Variants in TSPAN9 observed in about 807,000 individuals in gnomAD.
TSPAN9 encodes tetraspanin 9, also known as tetraspanin-9.
A neutral mutation model predicts 31.0 loss-of-function variants in TSPAN9; 16 were observed. The observed-to-expected ratio is 0.52, with a 90% CI of 0.35 to 0.78. The LOEUF (loss-of-function observed/expected upper bound fraction) is 0.78. Ranked by LOEUF, TSPAN9 falls within the 30% of genes least tolerant of loss-of-function variation. TSPAN9 has a pLI of 0.01. For missense variants in TSPAN9, 272 were observed against 312.5 expected (o/e 0.87, Z 0.98); for synonymous variants, 145 against 121.6 (o/e 1.19, Z -1.27).
chr12:3,232,822 C>T lies in TSPAN9; in HGVS notation c.63+31566C>T, dbSNP rs74798754. Among the ~76,000 whole-genome samples, 11 of 152,350 alleles carry T rather than the reference C, an allele frequency of 7.2e-5. No individual in the cohort carries two copies. The East Asian group carries it at 1.9e-3, about 27-fold the overall frequency. ...CTCTCAGTGGGCACCTGCAGGTGTA[C>T]GTTCCCTGCCTCCAGAGGCTGCTCA... On this transcript the variant is annotated intron_variant, in intron 3 of 8. Coordinates refer to ENST00000011898, the MANE Select transcript of TSPAN9 (RefSeq NM_006675.5).
At position 3,201,239 on chromosome 12, in the gene TSPAN9, T is replaced by A. The variant is rs2153973024; in HGVS notation, c.46T>A (p.Phe16Ile). ...CTGCTTGAAGTACATGATGTTCCTC[T>A]TCAATTTGATATTCTGGGTAAGTCC... ...LCCLKYMMFLFNLIFWLCGCG... is the reference protein window; with the variant it reads ...LCCLKYMMFLINLIFWLCGCG... Residue 16 changes from phenylalanine to isoleucine, a missense_variant, in exon 3 of 9, where the codon TTC (phenylalanine) becomes ATC (isoleucine). By Grantham distance (21) the Phe-to-Ile change is conservative. Coordinates refer to ENST00000011898, the MANE Select transcript of TSPAN9 (RefSeq NM_006675.5). 1.2e-6 allele frequency: 2 copies of A among 1,614,090 alleles called. No individual in the cohort carries two copies. The highest frequency in any genetic ancestry group is 4.5e-5 in the East Asian group (2 of 44,872).
Position 3,283,175 on chromosome 12 carries a change from G to A in TSPAN9, c.*59G>A, listed in dbSNP as rs1862933264. On this transcript the variant is annotated 3_prime_UTR_variant, in exon 9 of 9. Transcript: ENST00000011898. ...TGCCCTGTGGAGGGAAGAGGATTGA[G>A]CTTTGTGTCACCTGCCTGCGCTCTC... The A allele has an allele frequency of 1.3e-6, 2 of 1,573,190 alleles. No individual in the cohort carries two copies. Among genetic ancestry groups the A allele is most frequent in the African/African-American group, 1.3e-5 (1 of 74,346 alleles).
intron 3 of TSPAN9, among the ~76,000 whole-genome samples, chr12:3,255,937 G>T (rs1177583741): frequency 6.6e-6 from 1 of 152,218 alleles, no homozygotes; most frequent in Admixed American, 6.5e-5. Flanking sequence ...CAGGATGTAT[G>T]CTTGTGAGTT....
intron 5 of TSPAN9, 122 bp downstream of exon 5, chr12:3,279,188 AG>A: frequency 2.3e-6 from 2 of 884,494 alleles, no homozygotes; most frequent in Middle Eastern, 2.3e-4. Flanking sequence ...CTGTGCAGAA[AG>A]GAACATGGAA....
intron 2 of TSPAN9, among the ~76,000 whole-genome samples, chr12:3,156,375 GC>G (rs1334742602): frequency 6.6e-6 from 1 of 152,218 alleles, no homozygotes; most frequent in Non-Finnish European, 1.5e-5. Context: ...GGGAGGGGCA[GC>G]AGGTGGGGAG....
chr12:3,116,315 G>A (rs78070209), intron 2 of TSPAN9, among the ~76,000 whole-genome samples: 2,680 of 152,314 alleles, frequency 0.018, 73 homozygotes, highest in East Asian at 0.16. Flanking sequence ...ACCTTAGCAA[G>A]CTGCGAATCC....
At chr12:3,255,343 G>A (rs577224540) in intron 3 of TSPAN9, among the ~76,000 whole-genome samples, 2 of 152,190 alleles carry the variant, frequency 1.3e-5, no homozygotes, top group Admixed American at 1.3e-4. Context: ...GGCTGACCTG[G>A]GTTTGAATCT....
chr12:3,112,761 C>T (rs2098319802), intron 2 of TSPAN9, among the ~76,000 whole-genome samples: 1 of 144,756 alleles, frequency 6.9e-6, no homozygotes, highest in African/African-American at 2.6e-5. Context: ...TAGCTCACTG[C>T]AGCCTCGACC....
chr12:3,089,001 T>G (rs10848792), intron 2 of TSPAN9, among the ~76,000 whole-genome samples: 5 of 151,804 alleles, frequency 3.3e-5, no homozygotes, highest in African/African-American at 9.7e-5. Flanking sequence ...GGGAGGCCGA[T>G]GCAGGCGGAT....
At chr12:3,248,840 A>C (rs1862191852) in intron 3 of TSPAN9, among the ~76,000 whole-genome samples, 2 of 152,062 alleles carry the variant, frequency 1.3e-5, no homozygotes, top group African/African-American at 4.8e-5. Flanking sequence ...ACTTGTTTCA[A>C]CTTCTTGCTT....
chr12:3,195,849 C>T (rs1402101362), intron 2 of TSPAN9, among the ~76,000 whole-genome samples: 1 of 152,164 alleles, frequency 6.6e-6, no homozygotes, highest in African/African-American at 2.4e-5. Context: ...CCCTGCCTCC[C>T]GAAGGTACCA....
intron 3 of TSPAN9, among the ~76,000 whole-genome samples, chr12:3,205,727 C>CA (rs67110656): frequency 2.6e-5 from 1 of 37,980 alleles, no homozygotes; most frequent in East Asian, 2.2e-3. Context: ...GGCCCCCCCC[C>CA]CCCAGAGTGC....
intron 2 of TSPAN9, among the ~76,000 whole-genome samples, chr12:3,121,240 T>G (rs931056430): frequency 5.3e-5 from 8 of 152,190 alleles, no homozygotes; most frequent in African/African-American, 1.7e-4. Flanking sequence ...GATCTCAGGC[T>G]TAGAGCTGAG....
chr12:3,240,281 A>T (rs1317579681), intron 3 of TSPAN9, among the ~76,000 whole-genome samples: 1 of 152,040 alleles, frequency 6.6e-6, no homozygotes, highest in Non-Finnish European at 1.5e-5. Context: ...GCTGCAGGCT[A>T]CGGGGAGAGA....
intron 3 of TSPAN9, among the ~76,000 whole-genome samples, chr12:3,247,847 A>G (rs1177080332): frequency 6.6e-6 from 1 of 152,044 alleles, no homozygotes; most frequent in Non-Finnish European, 1.5e-5. Context: ...CAGACTCACT[A>G]TTGAGAGGAG....
At chr12:3,204,726 T>C (rs2098374040) in intron 3 of TSPAN9, among the ~76,000 whole-genome samples, 2 of 152,112 alleles carry the variant, frequency 1.3e-5, no homozygotes, top group Admixed American at 1.3e-4. Context: ...CTAAAGACAA[T>C]GCTGGCTTCT....
chr12:3,159,908 C>CTG (rs1246678671), intron 2 of TSPAN9, among the ~76,000 whole-genome samples: 1 of 152,172 alleles, frequency 6.6e-6, no homozygotes, highest in Non-Finnish European at 1.5e-5. Flanking sequence ...GCCACCCAGC[C>CTG]TGTGGTACTT....
intron 2 of TSPAN9, among the ~76,000 whole-genome samples, chr12:3,103,658 T>G (rs1313154311): frequency 1.3e-5 from 2 of 152,150 alleles, no homozygotes; most frequent in Admixed American, 6.5e-5. Context: ...GGCTGTGACT[T>G]TGGGAAGTGG....
chr12:3,180,192 C>A (rs1383071793), intron 2 of TSPAN9, among the ~76,000 whole-genome samples: 1 of 152,156 alleles, frequency 6.6e-6, no homozygotes, highest in Non-Finnish European at 1.5e-5. Context: ...GTGTGAGATA[C>A]CTTCTGGTGT....
Sources: allele counts gnomAD v4.1 joint callset (sites outside exome capture counted in the v4.1 genomes callset), GRCh38; gene constraint gnomAD v4.1.1; transcripts MANE v1.5; gene names NCBI Gene and HGNC (gene_info 2026-07-23, HGNC 2026-07-21).